The following CBFA2T2 variants were observed in gnomAD, a reference collection of about 807,000 sequenced individuals.
The protein encoded by CBFA2T2 is protein CBFA2T2.
In CBFA2T2, 11 loss-of-function variants were observed where a neutral mutation model predicts 62.2. The ratio of observed to expected loss-of-function variants is 0.18; its 90% CI spans 0.11 to 0.29. The LOEUF (loss-of-function observed/expected upper bound fraction) is 0.29. Ranked by LOEUF, CBFA2T2 falls within the 10% of genes least tolerant of loss-of-function variation. The pLI, the probability that CBFA2T2 is intolerant of heterozygous loss-of-function variation, is 1.00. For synonymous variants in CBFA2T2, 295 were observed against 287.5 expected (o/e 1.03, Z -0.27); for missense variants, 592 against 774.1 (o/e 0.76, Z 2.79).
chr20:33,573,950 TTTC>T, intron 1 of CBFA2T2: 1 of 419,650 alleles, frequency 2.4e-6, no homozygotes. Context: ...CTGGCTAATT[TTTC>T]TTATTTTTTT....
At chr20:33,535,747 G>C (rs1437405997) in intron 1 of CBFA2T2, among the ~76,000 whole-genome samples, 1 of 151,044 alleles carries the variant, frequency 6.6e-6, no homozygotes, top group Non-Finnish European at 1.5e-5. Flanking sequence ...TAGGACAATA[G>C]TGGAGGGAAG....
At chr20:33,642,111 TTTTTTTGTG>T (rs1017245959) in intron 10 of CBFA2T2, among the ~76,000 whole-genome samples, 1 of 56,466 alleles carries the variant, frequency 1.8e-5, no homozygotes. Context: ...TTGTCTTTTT[TTTTTTTGTG>T]TGTGTGTGTG....
intron 1 of CBFA2T2, among the ~76,000 whole-genome samples, chr20:33,588,446 T>C (rs2014474261): frequency 6.6e-6 from 1 of 151,802 alleles, no homozygotes; most frequent in African/African-American, 2.4e-5. Context: ...ATAATATATA[T>C]GTTAACCACA....
intron 3 of CBFA2T2, 62 bp downstream of exon 3, chr20:33,611,397 C>G (rs973192336): frequency 6.3e-7 from 1 of 1,586,976 alleles, no homozygotes; most frequent in African/African-American, 1.3e-5. Context: ...CCAAAGCGAG[C>G]AAAGTTCTAG....
intron 1 of CBFA2T2, among the ~76,000 whole-genome samples, chr20:33,544,931 TGAATAGAATAGAACAGAATA>T (rs1225716038): frequency 2.3e-4 from 32 of 137,072 alleles, no homozygotes; most frequent in East Asian, 1.8e-3. Context: ...CATGCATGAG[TGAATAGAATAGAACAGAATA>T]GAATAGAATA....
At chr20:33,555,129 G>C (rs2012858885) in intron 1 of CBFA2T2, among the ~76,000 whole-genome samples, 1 of 152,130 alleles carries the variant, frequency 6.6e-6, no homozygotes, top group African/African-American at 2.4e-5. Flanking sequence ...TGCCTTATTT[G>C]GATATGATCC....
chr20:33,522,967 G>C (rs1488192344), intron 1 of CBFA2T2, among the ~76,000 whole-genome samples: 1 of 152,176 alleles, frequency 6.6e-6, no homozygotes, highest in African/African-American at 2.4e-5. Flanking sequence ...ACTTGTGTCT[G>C]ATGAAGAGAA....
Position 33,611,081 on chromosome 20 carries a change from G to C in CBFA2T2, c.179-13G>C, listed in dbSNP as rs559311708. 6.2e-7 allele frequency: 1 copy of C among 1,612,420 alleles called. No individual in the cohort carries two copies. Among genetic ancestry groups the C allele is most frequent in the African/African-American group, 1.3e-5 (1 of 74,958 alleles). ...ACACGTAACCTGAGTCTTTCATTTT[G>C]GCTTTCTTTTAGTAAGCAATGGCAT... On this transcript the variant is annotated splice_polypyrimidine_tract_variant and intron_variant, in intron 2 of 10. Coordinates refer to ENST00000342704, the MANE Select transcript of CBFA2T2 (RefSeq NM_001032999.3).
At chr20:33,609,077 C>G (rs375478848) in intron 2 of CBFA2T2, among the ~76,000 whole-genome samples, 4 of 152,128 alleles carry the variant, frequency 2.6e-5, no homozygotes, top group Non-Finnish European at 5.9e-5. Context: ...TCCTAAACAC[C>G]CTTTGCTGAA....
intron 1 of CBFA2T2, among the ~76,000 whole-genome samples, chr20:33,520,604 C>T (rs1209031273): frequency 1.3e-5 from 2 of 152,008 alleles, no homozygotes; most frequent in Non-Finnish European, 2.9e-5. Flanking sequence ...AACCCAGTCT[C>T]TACTAAAAAT....
intron 1 of CBFA2T2, among the ~76,000 whole-genome samples, chr20:33,518,417 G>C (rs934063372): frequency 3.3e-5 from 5 of 152,050 alleles, no homozygotes; most frequent in Non-Finnish European, 5.9e-5. Context: ...ATATTGGGGA[G>C]ATAATGAAGT....
Position 33,559,172 on chromosome 20 carries a change from C to CTT in CBFA2T2, c.35-47764_35-47763dup, listed in dbSNP as rs376048540. Among the ~76,000 whole-genome samples, 457 of 87,620 alleles carry CTT rather than the reference C, an allele frequency of 5.2e-3. 16 individuals carry two copies. The highest frequency in any genetic ancestry group is 0.023 in the South Asian group (63 of 2,746). The allele number at this position is 87,620 out of a possible 152,430, so 57.5% of individuals were successfully genotyped here. A position where few individuals can be genotyped will look rare whatever the true frequency, so the allele number is the denominator to read the frequency against. ...CAATTGCAGCTTCTTTTTTTCCTTTCTTTTTTTTTTTTTTTTTTTTTCTGA... is the reference window on the plus strand; with the variant it reads ...CAATTGCAGCTTCTTTTTTTCCTTTCTTTTTTTTTTTTTTTTTTTTTTTCTGA... On this transcript the variant is annotated intron_variant, in intron 1 of 10. Transcript: ENST00000342704.
intron 1 of CBFA2T2, among the ~76,000 whole-genome samples, chr20:33,519,625 C>T (rs1173320468): frequency 6.6e-6 from 1 of 152,148 alleles, no homozygotes; most frequent in African/African-American, 2.4e-5. Flanking sequence ...TCAGGGACAA[C>T]TCTGTGTATG....
intron 1 of CBFA2T2, among the ~76,000 whole-genome samples, chr20:33,507,917 C>G (rs2011432406): frequency 6.6e-6 from 1 of 152,022 alleles, no homozygotes; most frequent in South Asian, 2.1e-4. Context: ...TTTTATACTC[C>G]TACCAGCAAA....
In CBFA2T2 at chr20:33,629,932, G is replaced by A. The variant is rs372924849; in HGVS notation, c.1228+18G>A. ...CAGCAATGGTAAGGGGAGAGTCTACGGGAAACCCAAAATAAATGTCAGCCT... is the reference window on the plus strand; with the variant it reads ...CAGCAATGGTAAGGGGAGAGTCTACAGGAAACCCAAAATAAATGTCAGCCT... On this transcript the variant is annotated intron_variant, in intron 8 of 10. Transcript: ENST00000342704. 1.6e-5 allele frequency: 26 copies of A among 1,580,886 alleles called. No homozygotes were observed. The African/African-American group carries it at 2.3e-4, about 14-fold the overall frequency.
At chr20:33,632,336 G>T (rs1317168810) in intron 8 of CBFA2T2, among the ~76,000 whole-genome samples, 1 of 152,110 alleles carries the variant, frequency 6.6e-6, no homozygotes, top group African/African-American at 2.4e-5. Flanking sequence ...AAGCCACCAT[G>T]CCCAGCCTGA....
chr20:33,569,262 G>A (rs977063415), intron 1 of CBFA2T2, among the ~76,000 whole-genome samples: 2 of 152,116 alleles, frequency 1.3e-5, no homozygotes, highest in Non-Finnish European at 2.9e-5. Context: ...TAGTTTAAAA[G>A]GATAATATGT....
At chr20:33,558,729 T>G (rs933057078) in intron 1 of CBFA2T2, among the ~76,000 whole-genome samples, 5 of 152,162 alleles carry the variant, frequency 3.3e-5, no homozygotes, top group Admixed American at 6.5e-5. Context: ...CATTTTTTCA[T>G]TAGGGATTTG....
chr20:33,586,708 A>G (rs2014386960), intron 1 of CBFA2T2, among the ~76,000 whole-genome samples: 1 of 152,128 alleles, frequency 6.6e-6, no homozygotes, highest in African/African-American at 2.4e-5. Flanking sequence ...ACGTGTTTGG[A>G]AAGTATAGAT....
Sources: allele counts gnomAD v4.1 joint callset (sites outside exome capture counted in the v4.1 genomes callset), GRCh38; gene constraint gnomAD v4.1.1; transcripts MANE v1.5; gene names NCBI Gene and HGNC (gene_info 2026-07-23, HGNC 2026-07-21).